SF3B3: variants seen among roughly 807,000 people sequenced by gnomAD.
SF3B3 encodes splicing factor 3b subunit 3.
SF3B3 carries 33 observed loss-of-function variants against 139.2 expected under a neutral mutation model. That is an observed-to-expected ratio of 0.24 (90% CI 0.18 to 0.32). The LOEUF is 0.32. SF3B3 is among the 10% of genes least tolerant of loss of function. The pLI is 1.00. For missense variants in SF3B3, 818 were observed against 1,509.4 expected, an observed-to-expected ratio of 0.54 and a Z score of 7.59; for synonymous variants, 596 against 563.6, an observed-to-expected ratio of 1.06 and a Z score of -0.81.
At chr16:70,559,326 A>T (rs2050406790) in intron 15 of SF3B3, among the ~76,000 whole-genome samples, 1 of 152,138 alleles carries the variant, frequency 6.6e-6, no homozygotes, top group Admixed American at 6.5e-5. Flanking sequence ...CTGTTTTCAG[A>T]GTAAGGAGTG....
chr16:70,561,800 G>C lies in SF3B3; in HGVS notation c.2288+16G>C. On this transcript the variant is annotated intron_variant, in intron 17 of 25. Coordinates refer to ENST00000302516, the MANE Select transcript of SF3B3 (RefSeq NM_012426.5). ...ACACCCTACGGTGAGTGAGTCTCATGTTTGAAGCTCAGCAGGAAGCCTTTC... is the reference window on the plus strand; with the variant it reads ...ACACCCTACGGTGAGTGAGTCTCATCTTTGAAGCTCAGCAGGAAGCCTTTC... The C allele has an allele frequency of 6.2e-7, 1 of 1,610,670 alleles. No homozygotes were observed. The highest frequency in any genetic ancestry group is 8.5e-7 in the Non-Finnish European group (1 of 1,177,262).
intron 2 of SF3B3, among the ~76,000 whole-genome samples, chr16:70,528,265 A>C (rs2050084619): frequency 1.3e-5 from 2 of 149,692 alleles, no homozygotes; most frequent in African/African-American, 4.9e-5. Flanking sequence ...CCCAGGTTCA[A>C]GCGATTCTCC....
At position 70,530,854 on chromosome 16, in the gene SF3B3, T is replaced by C. The variant is rs1002247850; in HGVS notation, c.507T>C (p.His169=). The C allele has an allele frequency of 5.0e-6, 8 of 1,613,994 alleles. No individual in the cohort carries two copies. Among genetic ancestry groups the C allele is most frequent in the Non-Finnish European group, 5.9e-6 (7 of 1,179,986 alleles). ...ACAAAGCAAACACTTTAGTGTATCA[T>C]GTAGTTGGAGTAGATGTCGGATTTG... ...EAHKANTLVY[H]VVGVDVGFEN... Residue 169 remains histidine, a synonymous_variant, in exon 4 of 26, where the codon CAT becomes CAC. Transcript: ENST00000302516.
chr16:70,526,953 T>G (rs554899457), intron 2 of SF3B3: 24 of 582,274 alleles, frequency 4.1e-5, no homozygotes, highest in African/African-American at 3.0e-4. Flanking sequence ...AGGGCACACT[T>G]TTCTTGGCTG....
At chr16:70,534,201 A>C (rs2050146172) in intron 5 of SF3B3, among the ~76,000 whole-genome samples, 1 of 152,190 alleles carries the variant, frequency 6.6e-6, no homozygotes, top group Non-Finnish European at 1.5e-5. Flanking sequence ...GGAGTGGGAG[A>C]GGAAGTTTCA....
chr16:70,551,718 A>T (rs1178378406), intron 11 of SF3B3, among the ~76,000 whole-genome samples: 2 of 151,956 alleles, frequency 1.3e-5, no homozygotes, highest in African/African-American at 4.8e-5. Flanking sequence ...AAACTAATAA[A>T]TTTTTTATAG....
At chr16:70,571,318 A>G in intron 25 of SF3B3, 119 bp downstream of exon 25, 1 of 717,576 alleles carries the variant, frequency 1.4e-6, no homozygotes, top group Admixed American at 2.5e-5. Flanking sequence ...CAGCCAGAGC[A>G]AAGGCTTCAC....
chr16:70,564,001 A>G lies in SF3B3; in HGVS notation c.2414A>G (p.Asn805Ser), dbSNP rs766137652. 16 of 1,614,150 alleles carry G rather than the reference A, an allele frequency of 9.9e-6. No individual in the cohort carries two copies. In the Middle Eastern group the frequency reaches 4.9e-4, roughly 50 times the overall value. The change falls in exon 18 of 26, where the codon AAT becomes AGT. Residue 805 changes from asparagine (N) to serine (S), a missense_variant. By Grantham distance (46) the Asn-to-Ser change is conservative. This residue lies in a region of SF3B3 where 34 missense variants were observed against 30.5 expected (regional missense o/e 1.12). Coordinates refer to ENST00000302516, the MANE Select transcript of SF3B3 (RefSeq NM_012426.5). The stretch of plus-strand genomic sequence containing the variant: ...CTTATTATCATTGAAACGGACCACA[A>G]TGCCTACACTGAGGCCACGAAAGCT... ...NNLIIIETDH[N>S]AYTEATKAQR...
At chr16:70,570,677 C>G (rs1446343402) in intron 24 of SF3B3, among the ~76,000 whole-genome samples, 1 of 152,178 alleles carries the variant, frequency 6.6e-6, no homozygotes, top group Non-Finnish European at 1.5e-5. Flanking sequence ...CAGTCTGATG[C>G]GAGTTTACAA....
Position 70,575,801 on chromosome 16 carries a change from A to T in SF3B3, c.*3988A>T, listed in dbSNP as rs980065593. The T allele has an allele frequency of 1.3e-5, 2 of 152,234 alleles. No homozygotes were observed. Among genetic ancestry groups the T allele is most frequent in the African/African-American group, 4.8e-5 (2 of 41,452 alleles). The allele number at this position is 152,234 out of a possible 1,614,324, so 9.4% of individuals were successfully genotyped here. A position where few individuals can be genotyped will look rare whatever the true frequency, so the allele number is the denominator to read the frequency against. On this transcript the variant is annotated 3_prime_UTR_variant, in exon 26 of 26. Transcript: ENST00000302516. ...CAGAAGGTCCCAAGTCTGAAAAATG[A>T]AGAGGTGGGGAGTGGGCAGCAGGGG...
intron 10 of SF3B3, among the ~76,000 whole-genome samples, chr16:70,544,848 C>T (rs1298597033): frequency 6.6e-6 from 1 of 151,902 alleles, no homozygotes; most frequent in Non-Finnish European, 1.5e-5. Context: ...GCCACTGTGC[C>T]CAGCCTGTGC....
chr16:70,561,166 G>A (rs567546188), intron 16 of SF3B3, among the ~76,000 whole-genome samples: 1 of 152,036 alleles, frequency 6.6e-6, no homozygotes, highest in African/African-American at 2.4e-5. Context: ...GATTACAGGC[G>A]CATGCCACCA....
intron 10 of SF3B3, among the ~76,000 whole-genome samples, chr16:70,545,594 T>C (rs1313013735): frequency 1.3e-5 from 2 of 152,212 alleles, no homozygotes; most frequent in Non-Finnish European, 2.9e-5. Flanking sequence ...TATAACAGTT[T>C]GTTTTGAGCG....
At chr16:70,534,750 C>A (rs1400756651) in intron 5 of SF3B3, among the ~76,000 whole-genome samples, 1 of 152,200 alleles carries the variant, frequency 6.6e-6, no homozygotes, top group Non-Finnish European at 1.5e-5. Flanking sequence ...CTCACTACAA[C>A]CTCCACCTCC....
chr16:70,568,846 G>C (rs750863103), intron 22 of SF3B3, among the ~76,000 whole-genome samples, 197 bp from the exon 23 acceptor site: 1 of 152,198 alleles, frequency 6.6e-6, no homozygotes, highest in Admixed American at 6.5e-5. Flanking sequence ...CTTGCTCATG[G>C]GTCGATTCTT....
At chr16:70,558,961 A>G (rs766626118) in intron 15 of SF3B3, among the ~76,000 whole-genome samples, 1 of 152,280 alleles carries the variant, frequency 6.6e-6, no homozygotes, top group East Asian at 1.9e-4. Flanking sequence ...TTGCAGAAGA[A>G]GAAGTTGGTT....
rs1312733490 is a variant in SF3B3 at position 70,530,844 on chromosome 16, T to C, written c.497T>C (p.Leu166Ser). The change falls in exon 4 of 26, where the codon TTA (leucine) becomes TCA (serine). Residue 166 changes from leucine (L) to serine (S), a missense_variant. By Grantham distance (145) the Leu-to-Ser change is moderately radical. Around this residue, in one of 14 missense-constraint regions of SF3B3, gnomAD observed 144 missense variants for 259.2 expected, o/e 0.56. Transcript: ENST00000302516. ...CTGGAAGCCCACAAAGCAAACACTT[T>C]AGTGTATCATGTAGTTGGAGTAGAT... ...SPLEAHKANTLVYHVVGVDVG... is the reference protein window; with the variant it reads ...SPLEAHKANTSVYHVVGVDVG... The C allele has an allele frequency of 3.7e-6, 6 of 1,614,142 alleles. No homozygotes were observed. The highest frequency in any genetic ancestry group is 2.2e-5 in the South Asian group (2 of 91,078).
At chr16:70,558,863 C>T (rs1422807095) in intron 15 of SF3B3, among the ~76,000 whole-genome samples, 1 of 152,220 alleles carries the variant, frequency 6.6e-6, no homozygotes, top group African/African-American at 2.4e-5. Flanking sequence ...TCCCAAAGGG[C>T]TGGGATTACA....
At chr16:70,562,202 C>T (rs544797790) in intron 17 of SF3B3, among the ~76,000 whole-genome samples, 16 of 152,282 alleles carry the variant, frequency 1.1e-4, no homozygotes, top group Non-Finnish European at 2.4e-4. Context: ...GTTGACAAAA[C>T]TGTTCTTCCT....
Sources: allele counts gnomAD v4.1 joint callset (sites outside exome capture counted in the v4.1 genomes callset), GRCh38; gene constraint gnomAD v4.1.1; regional missense constraint gnomAD v4.1.1; transcripts MANE v1.5; gene names NCBI Gene and HGNC (gene_info 2026-07-23, HGNC 2026-07-21).